Variants in CCSER1 observed in about 807,000 individuals in gnomAD.
CCSER1 encodes the protein coiled-coil serine rich protein 1.
Under a neutral mutation model 82.0 loss-of-function variants are expected in CCSER1, and 41 were observed. That is an observed-to-expected ratio of 0.50 (90% CI 0.39 to 0.65). The LOEUF (loss-of-function observed/expected upper bound fraction) is 0.65. CCSER1 is among the 30% of genes least tolerant of loss of function. The probability of loss-of-function intolerance (pLI) is 0.00; values close to 1 mark genes in which losing one functional copy is unlikely to be tolerated. For synonymous variants in CCSER1, 414 were observed against 383.9 expected, an observed-to-expected ratio of 1.08 and a Z score of -0.92; for missense variants, 1,119 against 1,064.2, an observed-to-expected ratio of 1.05 and a Z score of -0.72.
At chr4:91,307,680 T>C (rs1745168063) in intron 10 of CCSER1, among the ~76,000 whole-genome samples, 1 of 152,050 alleles carries the variant, frequency 6.6e-6, no homozygotes, top group African/African-American at 2.4e-5. Context: ...CTTGAGAGAA[T>C]AGAAAAGAAC....
At chr4:90,345,636 A>T (rs1561066792) in intron 3 of CCSER1, among the ~76,000 whole-genome samples, 1 of 152,074 alleles carries the variant, frequency 6.6e-6, no homozygotes. Context: ...AAATGAACAG[A>T]CAAATTAACA....
At chr4:91,213,653 C>T (rs929479594) in intron 10 of CCSER1, among the ~76,000 whole-genome samples, 1 of 151,962 alleles carries the variant, frequency 6.6e-6, no homozygotes, top group Non-Finnish European at 1.5e-5. Flanking sequence ...ACTGCAAAAT[C>T]AAAGAAGTAT....
chr4:91,421,358 C>T (rs137974332), intron 10 of CCSER1, among the ~76,000 whole-genome samples: 7 of 152,214 alleles, frequency 4.6e-5, no homozygotes, highest in Non-Finnish European at 7.4e-5. Flanking sequence ...GCATAACTCT[C>T]GTCCAAGGCT....
intron 1 of CCSER1, among the ~76,000 whole-genome samples, chr4:90,198,006 A>G (rs1736924552): frequency 6.6e-6 from 1 of 152,144 alleles, no homozygotes; most frequent in Non-Finnish European, 1.5e-5. Context: ...CTTATTTCAC[A>G]TTGCATACCT....
chr4:90,851,095 G>A (rs1245940684), intron 8 of CCSER1, among the ~76,000 whole-genome samples: 1 of 152,160 alleles, frequency 6.6e-6, no homozygotes, highest in African/African-American at 2.4e-5. Flanking sequence ...CCTGTGAAGA[G>A]GTGCCTTCCA....
At chr4:90,166,389 A>T (rs569020712) in intron 1 of CCSER1, among the ~76,000 whole-genome samples, 9 of 152,060 alleles carry the variant, frequency 5.9e-5, no homozygotes, top group Non-Finnish European at 1.2e-4. Context: ...GCAACACTAA[A>T]ATAGTGACAT....
At chr4:90,210,275 C>T (rs1739706466) in intron 1 of CCSER1, among the ~76,000 whole-genome samples, 1 of 152,028 alleles carries the variant, frequency 6.6e-6, no homozygotes, top group African/African-American at 2.4e-5. Context: ...GATTGTTTCC[C>T]AGAACTTTGA....
intron 10 of CCSER1, among the ~76,000 whole-genome samples, chr4:91,472,384 T>C (rs1757329957): frequency 6.6e-6 from 1 of 152,240 alleles, no homozygotes; most frequent in Admixed American, 6.5e-5. Flanking sequence ...TACTTGAGTC[T>C]GTAGTGTTAC....
chr4:91,039,378 G>A (rs1329041240), intron 9 of CCSER1, among the ~76,000 whole-genome samples: 1 of 151,936 alleles, frequency 6.6e-6, no homozygotes, highest in African/African-American at 2.4e-5. Flanking sequence ...ATGGGATCAT[G>A]TTCTGTGAAA....
At chr4:90,798,911 C>G (rs974309125) in intron 7 of CCSER1, among the ~76,000 whole-genome samples, 1 of 152,154 alleles carries the variant, frequency 6.6e-6, no homozygotes, top group African/African-American at 2.4e-5. Flanking sequence ...CCACAGGTCA[C>G]AACACTCTGA....
chr4:90,405,330 AT>A (rs1753558852), intron 4 of CCSER1, among the ~76,000 whole-genome samples: 1 of 152,152 alleles, frequency 6.6e-6, no homozygotes, highest in Admixed American at 6.5e-5. Flanking sequence ...TAACTAAAAA[AT>A]AAAAATAAAT....
chr4:90,881,047 T>TAA (rs11355989), intron 8 of CCSER1, among the ~76,000 whole-genome samples: 2 of 145,114 alleles, frequency 1.4e-5, no homozygotes, highest in African/African-American at 5.0e-5. Flanking sequence ...CCCTAAAAAT[T>TAA]AAAAAAAAAA....
intron 1 of CCSER1, among the ~76,000 whole-genome samples, chr4:90,183,387 G>C (rs1429710965): frequency 6.6e-6 from 1 of 152,036 alleles, no homozygotes; most frequent in Non-Finnish European, 1.5e-5. Flanking sequence ...GTCTATAATG[G>C]TTTATTTGCA....
intron 10 of CCSER1, among the ~76,000 whole-genome samples, chr4:91,163,390 A>T (rs1025160073): frequency 2.6e-5 from 4 of 151,924 alleles, no homozygotes; most frequent in Non-Finnish European, 4.4e-5. Flanking sequence ...TGTGGTGCTG[A>T]CAAGAATGTA....
chr4:91,230,686 A>G (rs1366809034), intron 10 of CCSER1, among the ~76,000 whole-genome samples: 1 of 151,992 alleles, frequency 6.6e-6, no homozygotes, highest in East Asian at 1.9e-4. Context: ...AAAAGATAAT[A>G]CAATATTTTT....
At chr4:91,275,213 T>C (rs1028932356) in intron 10 of CCSER1, among the ~76,000 whole-genome samples, 13 of 152,244 alleles carry the variant, frequency 8.5e-5, no homozygotes, top group African/African-American at 2.7e-4. Flanking sequence ...ATATTCATAC[T>C]GTTTTCCATA....
chr4:90,149,999 A>G (rs969980834), intron 1 of CCSER1, among the ~76,000 whole-genome samples: 2 of 152,122 alleles, frequency 1.3e-5, no homozygotes, highest in African/African-American at 4.8e-5. Context: ...CCCTTGAACA[A>G]AATGGGCTAA....
intron 3 of CCSER1, among the ~76,000 whole-genome samples, chr4:90,342,915 T>C (rs531370110): frequency 3.9e-5 from 6 of 151,952 alleles, no homozygotes; most frequent in Admixed American, 1.3e-4. Flanking sequence ...TCTTATCTTA[T>C]TGCTCTTTTC....
intron 4 of CCSER1, among the ~76,000 whole-genome samples, chr4:90,430,421 C>T (rs1758111261): frequency 6.6e-6 from 1 of 151,734 alleles, no homozygotes; most frequent in Non-Finnish European, 1.5e-5. Context: ...TTGAAATTTC[C>T]AATACAAGCT....
Sources: allele counts gnomAD v4.1 joint callset (sites outside exome capture counted in the v4.1 genomes callset), GRCh38; gene constraint gnomAD v4.1.1; transcripts MANE v1.5; gene names NCBI Gene and HGNC (gene_info 2026-07-23, HGNC 2026-07-21).